The following SDK1 variants were observed in gnomAD, a reference collection of about 807,000 sequenced individuals.
SDK1 encodes sidekick cell adhesion molecule 1.
SDK1 carries 157 observed loss-of-function variants against 245.5 expected under a neutral mutation model. The observed-to-expected ratio is 0.64, with a 90% CI of 0.56 to 0.73. SDK1 has a LOEUF of 0.73. Among genes scored for constraint, SDK1 ranks in the 30% least tolerant of loss-of-function variants. The probability of loss-of-function intolerance (pLI) is 0.00; values close to 1 mark genes in which losing one functional copy is unlikely to be tolerated. For missense variants in SDK1, 3,583 were observed against 3,002.3 expected (o/e 1.19, Z -4.52); for synonymous variants, 1,647 against 1,278.5 (o/e 1.29, Z -6.15).
chr7:3,574,636 G>A (rs575851666), intron 1 of SDK1, among the ~76,000 whole-genome samples: 3 of 152,190 alleles, frequency 2.0e-5, no homozygotes, highest in South Asian at 2.1e-4. Context: ...ATCCCAGTCC[G>A]CATCATTCCC....
At chr7:3,821,941 A>G (rs1307849760) in intron 5 of SDK1, among the ~76,000 whole-genome samples, 2 of 152,232 alleles carry the variant, frequency 1.3e-5, no homozygotes, top group African/African-American at 4.8e-5. Context: ...GATTAGATAT[A>G]CATTATATTC....
intron 35 of SDK1, among the ~76,000 whole-genome samples, chr7:4,189,395 G>A (rs909668406): frequency 2.0e-5 from 3 of 152,198 alleles, no homozygotes; most frequent in African/African-American, 7.2e-5. Flanking sequence ...GAGCAACATA[G>A]GTTTTCCCCA....
rs754101246 is a variant in SDK1, at chr7:3,945,899, TAAAAAA to T, written c.848-4995_848-4990del. ...GGGCAACAGAGCAAGACTCTGTCTG[TAAAAAA>T]AAAAAAAAAAAAAAAAAAAAAAAAA... On this transcript the variant is annotated intron_variant, in intron 5 of 44. Transcript: ENST00000404826. Among the ~76,000 whole-genome samples the T allele has an allele frequency of 1.2e-3, 17 of 13,680 alleles. No homozygotes were observed. In the East Asian group the frequency reaches 0.021, roughly 17 times the overall value. The allele number at this position is 13,680 out of a possible 152,430, so 9.0% of individuals were successfully genotyped here. A position where few individuals can be genotyped will look rare whatever the true frequency, so the allele number is the denominator to read the frequency against.
intron 5 of SDK1, among the ~76,000 whole-genome samples, chr7:3,858,866 CTTTT>C (rs11464569): frequency 1.5e-5 from 2 of 131,372 alleles, no homozygotes; most frequent in African/African-American, 3.0e-5. Context: ...TTTCTTTTTT[CTTTT>C]TTTTTTTTTT....
At position 4,237,714 on chromosome 7, in the gene SDK1, C is replaced by T. The variant is rs375658802; in HGVS notation, c.6060C>T (p.Ile2020=). The T allele has an allele frequency of 1.9e-5, 30 of 1,613,790 alleles. No individual in the cohort carries two copies. The highest frequency in any genetic ancestry group is 2.5e-5 in the Non-Finnish European group (29 of 1,179,836). ...FLLVMALSSL[I]VILLVVFALV... ...TGGTGATGGCTCTGTCCAGCCTGAT[C>T]GTCATCCTGCTGGTGGTGTTCGCCC... The change falls in exon 42 of 45, where the codon ATC becomes ATT. Residue 2020 remains isoleucine, a synonymous_variant. Coordinates refer to ENST00000404826, the MANE Select transcript of SDK1 (RefSeq NM_152744.4).
chr7:4,098,887 G>A (rs1439074957), intron 22 of SDK1, among the ~76,000 whole-genome samples: 1 of 135,560 alleles, frequency 7.4e-6, no homozygotes, highest in African/African-American at 2.9e-5. Flanking sequence ...GGCCCTGGCT[G>A]GTCTCAAATT....
chr7:3,909,807 G>T (rs182345060), intron 5 of SDK1, among the ~76,000 whole-genome samples: 143 of 152,324 alleles, frequency 9.4e-4, no homozygotes, highest in African/African-American at 3.1e-3. Context: ...CTTGCCTAAA[G>T]CGAGGCACCT....
chr7:3,332,985 G>C (rs1305995112), intron 1 of SDK1, among the ~76,000 whole-genome samples: 1 of 152,164 alleles, frequency 6.6e-6, no homozygotes, highest in Non-Finnish European at 1.5e-5. Context: ...TCCAGAAAAG[G>C]GCTCTTAGAT....
intron 4 of SDK1, among the ~76,000 whole-genome samples, chr7:3,649,461 T>C (rs1782941858): frequency 6.6e-6 from 1 of 151,858 alleles, no homozygotes; most frequent in Non-Finnish European, 1.5e-5. Flanking sequence ...TAATTTCTAT[T>C]ACTGCAGGCT....
At chr7:4,015,676 A>G (rs1217868379) in intron 16 of SDK1, among the ~76,000 whole-genome samples, 1 of 152,134 alleles carries the variant, frequency 6.6e-6, no homozygotes, top group African/African-American at 2.4e-5. Context: ...TAGGAAGCCA[A>G]AACATGGTTT....
intron 1 of SDK1, among the ~76,000 whole-genome samples, chr7:3,574,653 G>A (rs1009777785): frequency 2.0e-5 from 3 of 151,996 alleles, no homozygotes; most frequent in Admixed American, 1.3e-4. Flanking sequence ...TCCCCTCCAC[G>A]CATACATTTT....
chr7:3,472,877 G>A (rs1781227991), intron 1 of SDK1, among the ~76,000 whole-genome samples: 1 of 152,186 alleles, frequency 6.6e-6, no homozygotes, highest in South Asian at 2.1e-4. Context: ...GTAACAGTCA[G>A]GGGCTTCTGA....
chr7:3,559,687 T>G (rs571061178), intron 1 of SDK1, among the ~76,000 whole-genome samples: 19 of 152,188 alleles, frequency 1.2e-4, no homozygotes, highest in African/African-American at 4.1e-4. Context: ...CTAAATAGTT[T>G]TTAAATCATA....
chr7:4,067,906 G>C lies in SDK1; in HGVS notation c.2980G>C (p.Glu994Gln). Residue 994 changes from glutamate (E) to glutamine (Q), a missense_variant, in exon 20 of 45, where the codon GAG (glutamate) becomes CAG (glutamine). Glu to Gln is a conservative substitution (Grantham distance 29). Coordinates refer to ENST00000404826, the MANE Select transcript of SDK1 (RefSeq NM_152744.4). ...LDTSLKVSWQ[E>Q]PLEKNGIITG... ...CACATCTCTCAAGGTCAGCTGGCAG[G>C]AGCCCCTGGAGAAAAATGGCATCAT... 1 of 1,612,888 alleles carries C rather than the reference G, an allele frequency of 6.2e-7. No individual in the cohort carries two copies.
Position 4,011,243 on chromosome 7 carries a change from C to T in SDK1, c.2279+130C>T, listed in dbSNP as rs112090181. ...CTTCCCTCAGGGAGACGGGACAAAC[C>T]GTGAGCAGAAAAGCCTGTCGCAAAG... On this transcript the variant is annotated intron_variant, in intron 15 of 44. Coordinates refer to ENST00000404826, the MANE Select transcript of SDK1 (RefSeq NM_152744.4). The T allele has an allele frequency of 8.5e-6, 10 of 1,181,166 alleles. No homozygotes were observed. In the South Asian group the frequency reaches 9.0e-5, roughly 11 times the overall value. The allele number at this position is 1,181,166 out of a possible 1,614,324, so 73.2% of individuals were successfully genotyped here.
At chr7:3,678,169 G>A (rs1006365307) in intron 4 of SDK1, among the ~76,000 whole-genome samples, 2 of 152,182 alleles carry the variant, frequency 1.3e-5, no homozygotes, top group South Asian at 2.1e-4. Flanking sequence ...TGGGGTCCTT[G>A]TGCATTGCTG....
rs141912893 is a variant in SDK1, at chr7:3,924,610, A to G, written c.848-26313A>G. 6.9e-3 allele frequency among the ~76,000 whole-genome samples: 1,058 copies of G among 152,248 alleles called. 12 individuals carry two copies. Among genetic ancestry groups the G allele is most frequent in the African/African-American group, 0.022 (926 of 41,538 alleles). On this transcript the variant is annotated intron_variant, in intron 5 of 44. Coordinates refer to ENST00000404826, the MANE Select transcript of SDK1 (RefSeq NM_152744.4). ...TACCAGTGACAGTAGTGTTTGGGAC[A>G]TTTCGCCAGCTTCCCGGAGAAACAG...
In SDK1 at chr7:4,265,332, C is replaced by T. The variant is rs199542518; in HGVS notation, c.6590C>T (p.Pro2197Leu). ...CAGAGCGCGGGCGGCGTCTACACCC[C>T]CGCTGGCCCCGGCGCGCGAACTCCG... ...TTQSAGGVYTPAGPGARTPLT... is the reference protein window; with the variant it reads ...TTQSAGGVYTLAGPGARTPLT... The change falls in exon 45 of 45, where the codon CCC becomes CTC. Residue 2197 changes from proline (P) to leucine (L), a missense_variant. By Grantham distance (98) the Pro-to-Leu change is moderately conservative. Transcript: ENST00000404826. 241 of 1,479,728 alleles carry T rather than the reference C, an allele frequency of 1.6e-4. No homozygotes were observed. In the African/African-American group the frequency reaches 2.9e-3, roughly 18 times the overall value. 91.7% of individuals were successfully genotyped at this position (1,479,728 alleles called of 1,614,324 possible).
chr7:3,657,520 A>G (rs1241142305), intron 4 of SDK1, among the ~76,000 whole-genome samples: 3 of 152,176 alleles, frequency 2.0e-5, no homozygotes, highest in Admixed American at 6.5e-5. Context: ...TAAAGCAGGA[A>G]GAGGGACTGT....
Sources: gnomAD v4.1 joint callset for allele counts (sites outside exome capture counted in the v4.1 genomes callset) on GRCh38, gnomAD v4.1.1 for gene constraint, MANE v1.5 for transcripts, NCBI Gene and HGNC (gene_info 2026-07-23, HGNC 2026-07-21) for gene names.